The following SLC25A42 variants were observed in gnomAD, a reference collection of about 807,000 sequenced individuals.
SLC25A42 encodes the protein solute carrier family 25 member 42.
SLC25A42 carries 19 observed loss-of-function variants against 34.7 expected under a neutral mutation model. The observed-to-expected ratio is 0.55, with a 90% CI of 0.38 to 0.80. The LOEUF (loss-of-function observed/expected upper bound fraction) is 0.80, where lower values mean the gene tolerates loss of function less well. Ranked by LOEUF, SLC25A42 falls within the 30% of genes least tolerant of loss-of-function variation. The pLI is 0.00. For synonymous variants in SLC25A42, 205 were observed against 191.2 expected (o/e 1.07, Z -0.59); for missense variants, 364 against 441.3 (o/e 0.82, Z 1.57).
chr19:19,094,514 C>T (rs537136914), intron 1 of SLC25A42, among the ~76,000 whole-genome samples: 18 of 152,306 alleles, frequency 1.2e-4, no homozygotes, highest in African/African-American at 4.3e-4. Flanking sequence ...CCTCCACGTA[C>T]GTGCTCTAGG....
chr19:19,068,771 G>A (rs1440342309), intron 1 of SLC25A42, among the ~76,000 whole-genome samples: 1 of 152,076 alleles, frequency 6.6e-6, no homozygotes, highest in Non-Finnish European at 1.5e-5. Flanking sequence ...CCTGGAGGCG[G>A]AGGTTGCAGT....
chr19:19,087,538 T>G (rs989692851), intron 1 of SLC25A42, among the ~76,000 whole-genome samples: 2 of 152,214 alleles, frequency 1.3e-5, no homozygotes, highest in Non-Finnish European at 2.9e-5. Context: ...TCCACCCACT[T>G]CGGCCTCCCA....
chr19:19,096,254 T>TGGGGGCCCCCCCCCCCCCCC, intron 2 of SLC25A42, 49 bp downstream of exon 2: 1 of 1,456,706 alleles, frequency 6.9e-7, no homozygotes. Flanking sequence ...GGCCCCAGCC[T>TGGGGGCCCCCCCCCCCCCCC]CCCCACCCCC....
Position 19,109,888 on chromosome 19 carries a change from CTG to C in SLC25A42, c.650-678_650-677del, listed in dbSNP as rs2059853541. Among the ~76,000 whole-genome samples the C allele has an allele frequency of 6.6e-6, 1 of 152,352 alleles. No homozygotes were observed. The highest frequency in any genetic ancestry group is 1.9e-4 in the East Asian group (1 of 5,182). On this transcript the variant is annotated intron_variant, in intron 7 of 7. Transcript: ENST00000318596. This position sits in a 1 kb window ranked among gnomAD's most constrained non-coding sequence, Gnocchi z 4.1. ...AAGTTCATGGTCACTTATGTCCACTCTGTGCAACAGCTCGCAGGGGCTCCCCA... is the reference window on the plus strand; with the variant it reads ...AAGTTCATGGTCACTTATGTCCACTCTGCAACAGCTCGCAGGGGCTCCCCA...
intron 1 of SLC25A42, among the ~76,000 whole-genome samples, chr19:19,094,016 G>A (rs887013125): frequency 6.6e-6 from 1 of 152,192 alleles, no homozygotes; most frequent in African/African-American, 2.4e-5. Flanking sequence ...TGGATCTGGG[G>A]GAGGAAGACC....
intron 1 of SLC25A42, among the ~76,000 whole-genome samples, chr19:19,085,725 C>G (rs2059704870): frequency 6.6e-6 from 1 of 152,208 alleles, no homozygotes; most frequent in Non-Finnish European, 1.5e-5. Context: ...ATTCTCACCC[C>G]CACATGCAGA....
intron 1 of SLC25A42, among the ~76,000 whole-genome samples, chr19:19,064,710 T>C (rs2059592072): frequency 6.7e-6 from 1 of 149,018 alleles, no homozygotes; most frequent in Non-Finnish European, 1.5e-5. Context: ...CCCACACCTC[T>C]GTCTCCCCCT....
intron 1 of SLC25A42, among the ~76,000 whole-genome samples, chr19:19,084,318 GCTT>G (rs2059696099): frequency 6.6e-6 from 1 of 152,194 alleles, no homozygotes; most frequent in Non-Finnish European, 1.5e-5. Flanking sequence ...ATCCAGTTCA[GCTT>G]CTCCAGCCAC....
intron 7 of SLC25A42, 81 bp from the exon 8 acceptor site, chr19:19,110,488 G>T: frequency 8.2e-7 from 1 of 1,226,922 alleles, no homozygotes; most frequent in South Asian, 1.9e-5. Flanking sequence ...TTGCTCCTAG[G>T]GGTGCAAAGG....
intron 2 of SLC25A42, among the ~76,000 whole-genome samples, chr19:19,099,285 C>T (rs909220269): frequency 2.6e-5 from 4 of 152,126 alleles, no homozygotes; most frequent in Admixed American, 6.6e-5. Flanking sequence ...GAAACAAAAT[C>T]GCTGTGCAAT....
Position 19,106,696 on chromosome 19 carries a change from G to T in SLC25A42, c.497+311G>T, listed in dbSNP as rs375305556. 4.6e-3 allele frequency: 785 copies of T among 169,288 alleles called. 11 individuals are homozygous for T. Among genetic ancestry groups the T allele is most frequent in the Middle Eastern group, 0.019 (7 of 372 alleles). 10.5% of individuals were successfully genotyped at this position (169,288 alleles called of 1,614,324 possible). A position where few individuals can be genotyped will look rare whatever the true frequency, so the allele number is the denominator to read the frequency against. On this transcript the variant is annotated intron_variant, in intron 6 of 7. Coordinates refer to ENST00000318596, the MANE Select transcript of SLC25A42 (RefSeq NM_178526.5). The stretch of plus-strand genomic sequence containing the variant: ...GCCTGTAATCCCAACACTTTGGGAG[G>T]CCGAGGTGGGCGGATCACTTGAGGT...
intron 1 of SLC25A42, among the ~76,000 whole-genome samples, chr19:19,070,285 C>T (rs2059622553): frequency 1.4e-5 from 2 of 145,140 alleles, no homozygotes; most frequent in Admixed American, 1.4e-4. Flanking sequence ...GTGAGCCACC[C>T]TGCCTGGCCA....
intron 1 of SLC25A42, among the ~76,000 whole-genome samples, chr19:19,065,951 G>C (rs2059599887): frequency 6.6e-6 from 1 of 151,834 alleles, no homozygotes; most frequent in African/African-American, 2.4e-5. Context: ...CTGCCTCCTG[G>C]GTTCATGCAG....
intron 1 of SLC25A42, among the ~76,000 whole-genome samples, chr19:19,072,789 C>A (rs2059637705): frequency 6.6e-6 from 1 of 152,042 alleles, no homozygotes; most frequent in Admixed American, 6.6e-5. Flanking sequence ...AGTGATCTTC[C>A]CACCTCAACC....
chr19:19,107,178 G>A (rs764115306), intron 6 of SLC25A42, among the ~76,000 whole-genome samples: 75 of 151,738 alleles, frequency 4.9e-4, no homozygotes, highest in Admixed American at 9.2e-4. Context: ...TTAGCCTGAT[G>A]TGATGGCATA....
chr19:19,096,254 T>TAGCCCCCCCCCCCCCC, intron 2 of SLC25A42, 49 bp downstream of exon 2: 1 of 1,456,752 alleles, frequency 6.9e-7, no homozygotes, highest in Admixed American at 1.8e-5. Context: ...GGCCCCAGCC[T>TAGCCCCCCCCCCCCCC]CCCCACCCCC....
chr19:19,091,160 T>C (rs901551307), intron 1 of SLC25A42, among the ~76,000 whole-genome samples: 4 of 152,136 alleles, frequency 2.6e-5, no homozygotes, highest in Non-Finnish European at 5.9e-5. Context: ...TTTAAATTCA[T>C]GTAAAGGTAG....
chr19:19,096,254 T>TGGGGGCCCCC, intron 2 of SLC25A42, 49 bp downstream of exon 2: 1 of 1,456,704 alleles, frequency 6.9e-7, no homozygotes, highest in Non-Finnish European at 9.4e-7. Flanking sequence ...GGCCCCAGCC[T>TGGGGGCCCCC]CCCCACCCCC....
chr19:19,098,092 G>A (rs1336931987), intron 2 of SLC25A42, among the ~76,000 whole-genome samples: 1 of 152,144 alleles, frequency 6.6e-6, no homozygotes, highest in African/African-American at 2.4e-5. Context: ...ATCTCCCCAC[G>A]TGATGGATCT....
Sources: allele counts gnomAD v4.1 joint callset (sites outside exome capture counted in the v4.1 genomes callset), GRCh38; gene constraint gnomAD v4.1.1; non-coding constraint Gnocchi (gnomAD v3.1); transcripts MANE v1.5; gene names NCBI Gene and HGNC (gene_info 2026-07-23, HGNC 2026-07-21).